The following EIF2B3 variants were observed in gnomAD, a reference collection of about 807,000 sequenced individuals.
EIF2B3 encodes the protein eukaryotic translation initiation factor 2B subunit gamma.
A neutral mutation model predicts 54.1 loss-of-function variants in EIF2B3; 20 were observed. That is an observed-to-expected ratio of 0.37 (90% CI 0.26 to 0.54). The LOEUF (loss-of-function observed/expected upper bound fraction) is 0.54. EIF2B3 is among the 20% of genes least tolerant of loss of function. The probability of loss-of-function intolerance (pLI) is 0.86; values close to 1 mark genes in which losing one functional copy is unlikely to be tolerated. For synonymous variants in EIF2B3, 153 were observed against 188.1 expected, an observed-to-expected ratio of 0.81 and a Z score of 1.52; for missense variants, 448 against 547.8, an observed-to-expected ratio of 0.82 and a Z score of 1.82.
chr1:44,885,667 T>C (rs768389928), intron 6 of EIF2B3, among the ~76,000 whole-genome samples: 3 of 151,958 alleles, frequency 2.0e-5, no homozygotes, highest in African/African-American at 4.8e-5. Flanking sequence ...TTTATAAAAA[T>C]GGAGAACAAT....
At chr1:44,962,249 C>T (rs371959719) in intron 3 of EIF2B3, among the ~76,000 whole-genome samples, 1 of 106,272 alleles carries the variant, frequency 9.4e-6, no homozygotes, top group African/African-American at 3.3e-5. Flanking sequence ...ATCATCCTTC[C>T]TCTGGGAGAA....
intron 5 of EIF2B3, among the ~76,000 whole-genome samples, chr1:44,913,109 T>TAAAAAA (rs552977811): frequency 1.9e-5 from 2 of 103,276 alleles, no homozygotes; most frequent in Admixed American, 1.2e-4. Context: ...CGGTTTTTGT[T>TAAAAAA]AAAAAAAAAA....
intron 3 of EIF2B3, among the ~76,000 whole-genome samples, chr1:44,959,985 T>C (rs183670569): frequency 5.1e-4 from 78 of 152,360 alleles, no homozygotes; most frequent in Middle Eastern, 3.4e-3. Context: ...TATTTGCCAG[T>C]ATGTTTATGT....
At chr1:44,975,090 T>A (rs1047739067) in intron 3 of EIF2B3, among the ~76,000 whole-genome samples, 1 of 152,036 alleles carries the variant, frequency 6.6e-6, no homozygotes, top group Non-Finnish European at 1.5e-5. Flanking sequence ...TGGTAGCATG[T>A]GCCTGTAGTC....
intron 5 of EIF2B3, among the ~76,000 whole-genome samples, chr1:44,905,194 G>A (rs1258825271): frequency 6.6e-6 from 1 of 152,170 alleles, no homozygotes; most frequent in Non-Finnish European, 1.5e-5. Flanking sequence ...CTGTTCAGCA[G>A]GGTAGGCTAT....
chr1:44,927,471 G>A (rs974036937), intron 4 of EIF2B3, among the ~76,000 whole-genome samples: 7 of 151,956 alleles, frequency 4.6e-5, no homozygotes, highest in Admixed American at 2.6e-4. Context: ...TGAGGGATCC[G>A]CACCCATGAC....
intron 11 of EIF2B3, among the ~76,000 whole-genome samples, chr1:44,852,816 G>C (rs1293624168): frequency 6.6e-6 from 1 of 151,680 alleles, no homozygotes; most frequent in Non-Finnish European, 1.5e-5. Flanking sequence ...AACATTGAGA[G>C]GAGAGATGGA....
intron 5 of EIF2B3, among the ~76,000 whole-genome samples, chr1:44,926,096 C>T (rs895377287): frequency 1.3e-5 from 2 of 151,806 alleles, no homozygotes; most frequent in South Asian, 4.2e-4. Flanking sequence ...GGCGTGGTGG[C>T]GCATACCTGT....
intron 3 of EIF2B3, among the ~76,000 whole-genome samples, chr1:44,948,296 C>T (rs1281988571): frequency 6.6e-6 from 1 of 152,094 alleles, no homozygotes; most frequent in Non-Finnish European, 1.5e-5. Context: ...GCCAGAAATC[C>T]GCCCATAGTC....
chr1:44,963,875 T>C (rs1246069067), intron 3 of EIF2B3, among the ~76,000 whole-genome samples: 1 of 152,142 alleles, frequency 6.6e-6, no homozygotes, highest in Non-Finnish European at 1.5e-5. Context: ...CTCTACCCTA[T>C]AGCCCTTCAT....
intron 3 of EIF2B3, among the ~76,000 whole-genome samples, chr1:44,967,898 C>T (rs1438048753): frequency 6.8e-6 from 1 of 146,336 alleles, no homozygotes; most frequent in African/African-American, 2.6e-5. Context: ...ATTAGTCAGG[C>T]GGGGTGGCAC....
At chr1:44,930,715 A>C (rs1569761284) in intron 4 of EIF2B3, among the ~76,000 whole-genome samples, 1 of 152,130 alleles carries the variant, frequency 6.6e-6, no homozygotes, top group Non-Finnish European at 1.5e-5. Flanking sequence ...ACCTTGGCTC[A>C]CTGCAACCTC....
At chr1:44,970,056 A>G (rs1644384830) in intron 3 of EIF2B3, 1 of 152,214 alleles carries the variant, frequency 6.6e-6, no homozygotes, top group African/African-American at 2.4e-5. Context: ...TGAAATAAAA[A>G]GTGAGAACCA....
At chr1:44,902,159 G>A (rs1157323354) in intron 5 of EIF2B3, among the ~76,000 whole-genome samples, 1 of 152,166 alleles carries the variant, frequency 6.6e-6, no homozygotes, top group Admixed American at 6.5e-5. Context: ...CCACAGATCT[G>A]TCTGTCTGTC....
Position 44,858,061 on chromosome 1 carries a change from C to T in EIF2B3, c.1203-254G>A, listed in dbSNP as rs1056240397. On this transcript the variant is annotated intron_variant, in intron 10 of 11. Transcript: ENST00000360403. Reference sequence around the variant, plus strand: ...CTGAAAAGAAGATATTCTGACTTCACTTCAGTTCCTTTTTTTTTTTTTTTT... The same window carrying T: ...CTGAAAAGAAGATATTCTGACTTCATTTCAGTTCCTTTTTTTTTTTTTTTT... Among the ~76,000 whole-genome samples the T allele has an allele frequency of 8.2e-5, 12 of 147,178 alleles. No individual in the cohort carries two copies. In the Admixed American group the frequency reaches 8.4e-4, roughly 10 times the overall value.
chr1:44,883,179 C>T (rs939302989), intron 6 of EIF2B3, among the ~76,000 whole-genome samples: 6 of 151,634 alleles, frequency 4.0e-5, no homozygotes, highest in Admixed American at 2.0e-4. Context: ...CTCAGGTGAT[C>T]CGCTTGCTCC....
Position 44,854,409 on chromosome 1 carries a change from G to A in EIF2B3, c.1306+3295C>T, listed in dbSNP as rs114425811. Among the ~76,000 whole-genome samples, 720 of 151,940 alleles carry A rather than the reference G, an allele frequency of 4.7e-3. 7 individuals are homozygous for A. Among genetic ancestry groups the A allele is most frequent in the African/African-American group, 0.017 (684 of 41,430 alleles). ...CCAGAGATAACCAATGAGAGTATTG[G>A]GATGGGGTGAGAAAAGTCAGAGTTG... On this transcript the variant is annotated intron_variant, in intron 11 of 11. Coordinates refer to ENST00000360403, the MANE Select transcript of EIF2B3 (RefSeq NM_020365.5).
intron 3 of EIF2B3, among the ~76,000 whole-genome samples, chr1:44,943,017 G>A (rs1469525234): frequency 1.3e-5 from 2 of 151,712 alleles, no homozygotes; most frequent in South Asian, 2.1e-4. Flanking sequence ...CACCACGCCC[G>A]GCTAATTTTT....
chr1:44,883,220 G>A (rs1303475308), intron 6 of EIF2B3, among the ~76,000 whole-genome samples: 1 of 151,794 alleles, frequency 6.6e-6, no homozygotes, highest in African/African-American at 2.4e-5. Flanking sequence ...TTACAGGTGT[G>A]AGCCACCATG....
Sources: gnomAD v4.1 joint callset for allele counts (sites outside exome capture counted in the v4.1 genomes callset) on GRCh38, gnomAD v4.1.1 for gene constraint, MANE v1.5 for transcripts, NCBI Gene and HGNC (gene_info 2026-07-23, HGNC 2026-07-21) for gene names.